PLCB3: variants seen among roughly 807,000 people sequenced by gnomAD.
The protein encoded by PLCB3 is phospholipase C beta 3.
Under a neutral mutation model 152.1 loss-of-function variants are expected in PLCB3, and 54 were observed. That is an observed-to-expected ratio of 0.36 (90% confidence interval 0.29 to 0.45). PLCB3 has a LOEUF of 0.45. PLCB3 is among the 20% of genes least tolerant of loss of function. The pLI is 1.00. For missense variants in PLCB3, 1,248 were observed against 1,687.5 expected (o/e 0.74, Z 4.56); for synonymous variants, 717 against 698.7 (o/e 1.03, Z -0.41).
Position 64,255,669 on chromosome 11 carries a change from C to T in PLCB3, c.598-52C>T. ...TGGGGTGTCACGGTGGGCACCCACC[C>T]TTACGGGGCTGCCCGCCCCTGGCTT... On this transcript the variant is annotated intron_variant, in intron 7 of 30. Coordinates refer to ENST00000279230, the MANE Select transcript of PLCB3 (RefSeq NM_000932.5). The surrounding 1 kb of genome is among the most constrained non-coding windows in gnomAD (Gnocchi z 6.8). The T allele has an allele frequency of 6.2e-7, 1 of 1,605,646 alleles. No individual in the cohort carries two copies. The highest frequency in any genetic ancestry group is 1.1e-5 in the South Asian group (1 of 90,914).
rs751404550 is a variant in PLCB3, at chr11:64,260,015, C to T, written c.1526-14C>T. 3 of 1,608,110 alleles carry T rather than the reference C, an allele frequency of 1.9e-6. No individual in the cohort carries two copies. In the Admixed American group the frequency reaches 5.1e-5, roughly 27 times the overall value. On this transcript the variant is annotated splice_polypyrimidine_tract_variant and intron_variant, in intron 13 of 30. Transcript: ENST00000279230. ...TGGTCCTGACCCCTCACCCTGTGGC[C>T]CTGTCCTCTGCAGGGTCTCCCAGCT... is the stretch of plus-strand genomic sequence containing the variant.
intron 1 of PLCB3, among the ~76,000 whole-genome samples, chr11:64,252,722 C>T (rs955745224): frequency 6.6e-6 from 1 of 152,128 alleles, no homozygotes; most frequent in African/African-American, 2.4e-5. Context: ...ACCCCTCCCC[C>T]CAGGCTGGCC....
Position 64,262,459 on chromosome 11 carries a change from G to T in PLCB3, c.2091G>T (p.Gly697=). The T allele has an allele frequency of 6.2e-7, 1 of 1,613,922 alleles. No individual in the cohort carries two copies. The highest frequency in any genetic ancestry group is 8.5e-7 in the Non-Finnish European group (1 of 1,180,014). The part of the protein sequence containing the change: ...AGVFEYNGRS[G]YLLKPEFMRR... Reference sequence around the variant, plus strand: ...TTTTTGAGTACAACGGGCGCAGCGGGTACCTGCTCAAGCCGGAGTTCATGC... The same window carrying T: ...TTTTTGAGTACAACGGGCGCAGCGGTTACCTGCTCAAGCCGGAGTTCATGC... The change falls in exon 18 of 31, where the codon GGG becomes GGT. Residue 697 remains glycine (G), a synonymous_variant. Coordinates refer to ENST00000279230, the MANE Select transcript of PLCB3 (RefSeq NM_000932.5).
In PLCB3 at chr11:64,264,945, C is replaced by G. The variant is rs764953977; in HGVS notation, c.2653-6C>G. 4.3e-6 allele frequency: 7 copies of G among 1,612,944 alleles called. No homozygotes were observed. Among genetic ancestry groups the G allele is most frequent in the Non-Finnish European group, 5.1e-6 (6 of 1,179,742 alleles). On this transcript the variant is annotated splice_polypyrimidine_tract_variant and splice_region_variant and intron_variant, in intron 22 of 30. Transcript: ENST00000279230. The stretch of plus-strand genomic sequence containing the variant: ...CTGAAAAGAGCATTCTCCTTTCTCC[C>G]TATAGGCTCAGGCTGGCCAAGAGAC...
rs1317944644 is a variant in PLCB3 at position 64,256,742 on chromosome 11, C to A, written c.990C>A (p.Ser330=). 4 of 1,614,210 alleles carry A rather than the reference C, an allele frequency of 2.5e-6. No individual in the cohort carries two copies. Among genetic ancestry groups the A allele is most frequent in the Non-Finnish European group, 3.4e-6 (4 of 1,180,040 alleles). Residue 330 remains serine, a synonymous_variant, in exon 10 of 31, where the codon TCC becomes TCA. Transcript: ENST00000279230. ...CACTGAGTGCCTACTTCATCAACTC[C>A]TCGCATAACACCTATCTCACTGGTG... ...TQPLSAYFIN[S]SHNTYLTAGQ... is the part of the protein sequence containing the mutation.
Position 64,266,137 on chromosome 11 carries a change from G to A in PLCB3, c.3201G>A (p.Arg1067=), listed in dbSNP as rs1249151476. 3 of 1,614,114 alleles carry A rather than the reference G, an allele frequency of 1.9e-6. No homozygotes were observed. The highest frequency in any genetic ancestry group is 2.5e-6 in the Non-Finnish European group (3 of 1,180,006). The stretch of plus-strand genomic sequence containing the variant: ...CCCTGTGTCCACAGGCTCTGCAGCG[G>A]CTCAGGGAGGTCGTCCTTGATGCAA... ...RLEHLRQALQ[R]LREVVLDANT... The change falls in exon 27 of 31, where the codon CGG becomes CGA. Residue 1067 remains arginine (R), a synonymous_variant. Coordinates refer to ENST00000279230, the MANE Select transcript of PLCB3 (RefSeq NM_000932.5). This position sits in a 1 kb window ranked among gnomAD's most constrained non-coding sequence, Gnocchi z 4.9.
rs761969673 is a variant in PLCB3 at position 64,258,988 on chromosome 11, A to T, written c.1338+19A>T. Reference sequence around the variant, plus strand: ...GTACCCGGTACGGGAGCTCGGAGCGAGGGGGGTGGCATGGGGGCCAGGGTG... The same window carrying T: ...GTACCCGGTACGGGAGCTCGGAGCGTGGGGGGTGGCATGGGGGCCAGGGTG... On this transcript the variant is annotated intron_variant, in intron 12 of 30. Transcript: ENST00000279230. This position sits in a 1 kb window ranked among gnomAD's most constrained non-coding sequence, Gnocchi z 7.2. The T allele has an allele frequency of 8.1e-6, 13 of 1,613,396 alleles. No individual in the cohort carries two copies. In the South Asian group the frequency reaches 1.4e-4, roughly 18 times the overall value.
rs1444423739 is a variant in PLCB3, at chr11:64,255,680, G to T, written c.598-41G>T. The T allele has an allele frequency of 6.2e-7, 1 of 1,607,882 alleles. No individual in the cohort carries two copies. The highest frequency in any genetic ancestry group is 1.7e-5 in the Admixed American group (1 of 60,030). On this transcript the variant is annotated intron_variant, in intron 7 of 30. Transcript: ENST00000279230. This position sits in a 1 kb window ranked among gnomAD's most constrained non-coding sequence, Gnocchi z 6.8. ...GGTGGGCACCCACCCTTACGGGGCT[G>T]CCCGCCCCTGGCTTCTCACCCCACA...
Position 64,267,148 on chromosome 11 carries a change from C to T in PLCB3, c.3415-37C>T. ...AGCCTCGAGGCTCTAGCCCCTCCCT[C>T]AGGGCCCCTCAGCTGAGCCCTTGCC... is the stretch of plus-strand genomic sequence containing the variant. On this transcript the variant is annotated intron_variant, in intron 29 of 30. Coordinates refer to ENST00000279230, the MANE Select transcript of PLCB3 (RefSeq NM_000932.5). The surrounding 1 kb of genome is among the most constrained non-coding windows in gnomAD (Gnocchi z 5.2). The T allele has an allele frequency of 6.5e-7, 1 of 1,535,572 alleles. No homozygotes were observed. The highest frequency in any genetic ancestry group is 1.2e-5 in the South Asian group (1 of 83,680).
In PLCB3 at chr11:64,267,266, C is replaced by T; in HGVS notation, c.3496C>T (p.Pro1166Ser). 6.4e-7 allele frequency: 1 copy of T among 1,550,934 alleles called. No homozygotes were observed. The highest frequency in any genetic ancestry group is 8.7e-7 in the Non-Finnish European group (1 of 1,146,952). ...QVLQQLAEEE[P>S]KLLAQLAQEC... is the part of the protein sequence containing the mutation. ...CCTGCAACAGCTGGCAGAAGAGGAGCCCAAGGTGAGGCCATGGGCGAACAG... is the reference window on the plus strand; with the variant it reads ...CCTGCAACAGCTGGCAGAAGAGGAGTCCAAGGTGAGGCCATGGGCGAACAG... Residue 1166 changes from proline (P) to serine (S), a missense_variant, in exon 30 of 31, where the codon CCC becomes TCC. Transcript: ENST00000279230. This position sits in a 1 kb window ranked among gnomAD's most constrained non-coding sequence, Gnocchi z 5.2.
chr11:64,260,293 TG>T (rs758111960), intron 14 of PLCB3, 59 bp downstream of exon 14: 2 of 1,280,164 alleles, frequency 1.6e-6, no homozygotes, highest in East Asian at 2.5e-5. Context: ...CCCAGGGGGC[TG>T]GGTCTGACCA....
intron 24 of PLCB3, 38 bp from the exon 25 acceptor site, chr11:64,265,272 C>T: frequency 6.8e-7 from 1 of 1,467,786 alleles, no homozygotes; most frequent in Admixed American, 1.8e-5. Flanking sequence ...CTTGCAGGTT[C>T]CCCCACCCCC....
downstream of PLCB3, chr11:64,267,930 G>A (rs1243841278): frequency 1.4e-5 from 3 of 210,702 alleles, no homozygotes; most frequent in African/African-American, 7.0e-5. This position sits in a 1 kb window ranked among gnomAD's most constrained non-coding sequence, Gnocchi z 5.2. Context: ...GGGACCCTGT[G>A]TGCAGTGTGA....
Position 64,265,080 on chromosome 11 carries a change from G to T in PLCB3, c.2782G>T (p.Ala928Ser). The change falls in exon 23 of 31, where the codon GCC (alanine) becomes TCC (serine). Residue 928 changes from alanine to serine, a missense_variant. Coordinates refer to ENST00000279230, the MANE Select transcript of PLCB3 (RefSeq NM_000932.5). The stretch of plus-strand genomic sequence containing the variant: ...GCCCCCTGGCCCCACCACCTCCCCT[G>T]CCAGCACCTCCCTCAGCAGCCCAGG... ...RRPPGPTTSPASTSLSSPGQR... is the reference protein window; with the variant it reads ...RRPPGPTTSPSSTSLSSPGQR... 5 of 1,121,872 alleles carry T rather than the reference G, an allele frequency of 4.5e-6. No homozygotes were observed. Among genetic ancestry groups the T allele is most frequent in the Non-Finnish European group, 5.5e-6 (5 of 901,930 alleles). The allele number at this position is 1,121,872 out of a possible 1,614,324, so 69.5% of individuals were successfully genotyped here.
intron 14 of PLCB3, among the ~76,000 whole-genome samples, 157 bp downstream of exon 14, chr11:64,260,391 T>C (rs923914063): frequency 2.0e-5 from 3 of 152,048 alleles, no homozygotes; most frequent in African/African-American, 7.2e-5. Context: ...TCATCAGGCA[T>C]GGAAACAAGC....
intron 10 of PLCB3, among the ~76,000 whole-genome samples, 166 bp downstream of exon 10, chr11:64,256,930 G>T (rs1487875528): frequency 6.6e-6 from 1 of 151,152 alleles, no homozygotes; most frequent in Admixed American, 6.6e-5. Context: ...GGGCCTCATG[G>T]TGGCTTTCCC....
chr11:64,258,334 G>GAGACTCA lies in PLCB3; in HGVS notation c.1013-139_1013-138insAGACTCA, dbSNP rs2031649805. ...ATGACTCCCCCCAGCTCACGCTGGT[G>GAGACTCA]GGATGGACAGGTGGTGGGTATCCAT... On this transcript the variant is annotated intron_variant, in intron 10 of 30. Transcript: ENST00000279230. This position sits in a 1 kb window ranked among gnomAD's most constrained non-coding sequence, Gnocchi z 7.2. The GAGACTCA allele has an allele frequency of 6.5e-6, 6 of 925,772 alleles. No individual in the cohort carries two copies. Among genetic ancestry groups the GAGACTCA allele is most frequent in the Non-Finnish European group, 1.6e-6 (1 of 628,214 alleles). 57.3% of individuals were successfully genotyped at this position (925,772 alleles called of 1,614,324 possible).
intron 19 of PLCB3, among the ~76,000 whole-genome samples, chr11:64,263,041 G>A (rs976926667): frequency 6.6e-6 from 1 of 152,186 alleles, no homozygotes; most frequent in Non-Finnish European, 1.5e-5. Context: ...TCAGCTAGAC[G>A]TCTTGTGTCC....
Position 64,258,791 on chromosome 11 carries a change from A to T in PLCB3, c.1253+78A>T. 6.2e-7 allele frequency: 1 copy of T among 1,602,394 alleles called. No homozygotes were observed. Among genetic ancestry groups the T allele is most frequent in the Admixed American group, 1.7e-5 (1 of 59,900 alleles). On this transcript the variant is annotated intron_variant, in intron 11 of 30. Coordinates refer to ENST00000279230, the MANE Select transcript of PLCB3 (RefSeq NM_000932.5). The surrounding 1 kb of genome is among the most constrained non-coding windows in gnomAD (Gnocchi z 7.2). ...TTCAGTGCTGTTGGACTGCTCAGGGACCTCCAACCCTGCGAACGGCCACTG... is the reference window on the plus strand; with the variant it reads ...TTCAGTGCTGTTGGACTGCTCAGGGTCCTCCAACCCTGCGAACGGCCACTG...
Sources: gnomAD v4.1 joint callset for allele counts (sites outside exome capture counted in the v4.1 genomes callset) on GRCh38, gnomAD v4.1.1 for gene constraint, Gnocchi (gnomAD v3.1) non-coding constraint, MANE v1.5 for transcripts, NCBI Gene and HGNC (gene_info 2026-07-23, HGNC 2026-07-21) for gene names.